MYO18B: variants seen among roughly 807,000 people sequenced by gnomAD.
MYO18B encodes the protein myosin XVIIIB.
A neutral mutation model predicts 273.0 loss-of-function variants in MYO18B; 204 were observed. The observed-to-expected ratio is 0.75, with a 90% CI of 0.67 to 0.84. The LOEUF (loss-of-function observed/expected upper bound fraction) is 0.84, where lower values mean the gene tolerates loss of function less well. Ranked by LOEUF, MYO18B falls within the 40% of genes least tolerant of loss-of-function variation. The pLI, the probability that MYO18B is intolerant of heterozygous loss-of-function variation, is 0.00. For synonymous variants in MYO18B, 1,330 were observed against 1,305.7 expected (o/e 1.02, Z -0.40); for missense variants, 3,212 against 3,287.6 (o/e 0.98, Z 0.56).
At chr22:26,012,583 C>G (rs1271236890) in intron 42 of MYO18B, among the ~76,000 whole-genome samples, 2 of 152,164 alleles carry the variant, frequency 1.3e-5, no homozygotes, top group Admixed American at 1.3e-4. Flanking sequence ...CAGGTGAAGT[C>G]TGAATGTAGA....
chr22:25,948,447 C>T (rs200073351), intron 36 of MYO18B, among the ~76,000 whole-genome samples: 18,222 of 115,050 alleles, frequency 0.16, 1,293 homozygotes, highest in East Asian at 0.22. Context: ...TCCTTCCTTC[C>T]TTCCTTCCTT....
At chr22:25,839,032 GTA>G (rs750152973) in intron 17 of MYO18B, among the ~76,000 whole-genome samples, 7 of 151,812 alleles carry the variant, frequency 4.6e-5, no homozygotes, top group Non-Finnish European at 1.0e-4. Context: ...GTGTGTGTAT[GTA>G]TGAGTGTATA....
chr22:25,854,130 G>C (rs1315954583), intron 21 of MYO18B, among the ~76,000 whole-genome samples: 1 of 152,136 alleles, frequency 6.6e-6, no homozygotes, highest in Admixed American at 6.5e-5. Context: ...GGTGTAAAAT[G>C]GGTCTTGGTG....
At chr22:25,786,279 A>G (rs776395647) in intron 11 of MYO18B, among the ~76,000 whole-genome samples, 2 of 152,204 alleles carry the variant, frequency 1.3e-5, no homozygotes, top group African/African-American at 4.8e-5. Context: ...CAGAGGTTGC[A>G]TGAAATGCTG....
intron 37 of MYO18B, among the ~76,000 whole-genome samples, chr22:25,950,929 C>T (rs2092785868): frequency 6.6e-6 from 1 of 152,184 alleles, no homozygotes; most frequent in Non-Finnish European, 1.5e-5. Context: ...AGGCCTTCTG[C>T]AAGCTAAGGA....
intron 12 of MYO18B, among the ~76,000 whole-genome samples, chr22:25,811,774 C>T (rs76604120): frequency 0.01 from 1,558 of 152,296 alleles, 10 homozygotes; most frequent in Non-Finnish European, 0.016. Context: ...CAGGTTGTTT[C>T]TTGCCATTTT....
At chr22:26,039,287 C>G in the MYO18B span, among the ~76,000 whole-genome samples, 1 of 152,198 alleles carries the variant, frequency 6.6e-6, no homozygotes, top group Non-Finnish European at 1.5e-5. Context: ...GTGGTCTCTA[C>G]CTGTCTTGCC....
chr22:25,782,572 C>T (rs894995029), intron 10 of MYO18B, among the ~76,000 whole-genome samples: 1 of 152,180 alleles, frequency 6.6e-6, no homozygotes, highest in African/African-American at 2.4e-5. Context: ...GCCTTGGTTT[C>T]CTCCTCTGTT....
rs1400943651 is a variant in MYO18B at position 25,877,973 on chromosome 22, G to A, written c.4239G>A (p.Thr1413=). The change falls in exon 25 of 44, where the codon ACG becomes ACA. Residue 1413 remains threonine (T), a synonymous_variant. Coordinates refer to ENST00000335473, the MANE Select transcript of MYO18B (RefSeq NM_032608.7). Reference sequence around the variant, plus strand: ...TGTTTTTGTAGGAGGAGCTTACAACGCTAAGACGGAAGCTAGAAAAATCAG... The same window carrying A: ...TGTTTTTGTAGGAGGAGCTTACAACACTAAGACGGAAGCTAGAAAAATCAG... ...QLRAKEEELT[T]LRRKLEKSEK... The A allele has an allele frequency of 7.0e-6, 11 of 1,576,080 alleles. No homozygotes were observed. The highest frequency in any genetic ancestry group is 9.5e-6 in the Non-Finnish European group (11 of 1,160,366).
intron 13 of MYO18B, 123 bp from the exon 14 acceptor site, chr22:25,826,286 T>C: frequency 1.5e-6 from 1 of 658,884 alleles, no homozygotes; most frequent in Non-Finnish European, 2.6e-6. Context: ...ATTTTAGCAG[T>C]GGAGGGATGT....
At chr22:25,876,147 G>A (rs2091189908) in intron 23 of MYO18B, 42 bp from the exon 24 acceptor site, 2 of 1,584,884 alleles carry the variant, frequency 1.3e-6, no homozygotes, top group African/African-American at 2.7e-5. Flanking sequence ...TCCTCACCTG[G>A]GTTGGAAAGG....
rs578043723 is a variant in MYO18B at position 25,841,332 on chromosome 22, A to G, written c.3209-2403A>G. Among the ~76,000 whole-genome samples, 32 of 152,348 alleles carry G rather than the reference A, an allele frequency of 2.1e-4. No individual in the cohort carries two copies. In the South Asian group the frequency reaches 6.4e-3, roughly 31 times the overall value. On this transcript the variant is annotated intron_variant, in intron 17 of 43. Coordinates refer to ENST00000335473, the MANE Select transcript of MYO18B (RefSeq NM_032608.7). ...GTATCCATGGGGCTCCTGAAAGCCA[A>G]AGACTTCATGGGAAATGCTTTCATG...
intron 42 of MYO18B, among the ~76,000 whole-genome samples, chr22:26,022,586 CCT>C (rs1251144486): frequency 6.6e-6 from 1 of 152,086 alleles, no homozygotes; most frequent in African/African-American, 2.4e-5. Flanking sequence ...TGCTTCTTGC[CCT>C]CTCTTCCTTG....
chr22:25,858,348 G>A (rs1206193885), intron 21 of MYO18B, among the ~76,000 whole-genome samples: 1 of 152,252 alleles, frequency 6.6e-6, no homozygotes, highest in Non-Finnish European at 1.5e-5. Context: ...TTGGACCATG[G>A]TGTGGGCTTC....
chr22:25,898,345 G>A lies in MYO18B; in HGVS notation c.4707G>A (p.Lys1569=). 1 of 1,613,944 alleles carries A rather than the reference G, an allele frequency of 6.2e-7. No individual in the cohort carries two copies. The highest frequency in any genetic ancestry group is 8.5e-7 in the Non-Finnish European group (1 of 1,179,858). Residue 1569 remains lysine (K), a synonymous_variant, in exon 29 of 44, where the codon AAG becomes AAA. Coordinates refer to ENST00000335473, the MANE Select transcript of MYO18B (RefSeq NM_032608.7). ...AAAGTGCTTATGACGGGGCCAAGAAGATGGCTCACCAACTGAAGAGGAAGT... is the reference window on the plus strand; with the variant it reads ...AAAGTGCTTATGACGGGGCCAAGAAAATGGCTCACCAACTGAAGAGGAAGT... ...ELQSAYDGAK[K]MAHQLKRKCH...
chr22:25,821,216 C>G (rs1269907359), intron 12 of MYO18B, among the ~76,000 whole-genome samples: 1 of 151,976 alleles, frequency 6.6e-6, no homozygotes, highest in Non-Finnish European at 1.5e-5. Flanking sequence ...TACAGTAGTT[C>G]TATCTATAGT....
At chr22:25,996,419 T>C (rs1933251898) in intron 40 of MYO18B, among the ~76,000 whole-genome samples, 1 of 152,150 alleles carries the variant, frequency 6.6e-6, no homozygotes, top group Admixed American at 6.5e-5. Flanking sequence ...GAAGAGAGGT[T>C]GAGTAACTTG....
intron 2 of MYO18B, 125 bp from the exon 3 acceptor site, chr22:25,763,106 A>C: frequency 8.8e-7 from 1 of 1,135,570 alleles, no homozygotes; most frequent in Non-Finnish European, 1.3e-6. Flanking sequence ...GTGGCTTCTC[A>C]TACATGGGCT....
At chr22:26,063,616 T>C in the MYO18B span, among the ~76,000 whole-genome samples, 1 of 152,150 alleles carries the variant, frequency 6.6e-6, no homozygotes, top group Non-Finnish European at 1.5e-5. Flanking sequence ...CTGATCAACA[T>C]GGAGCTGACT....
Sources: gnomAD v4.1 joint callset for allele counts (sites outside exome capture counted in the v4.1 genomes callset) on GRCh38, gnomAD v4.1.1 for gene constraint, MANE v1.5 for transcripts, NCBI Gene and HGNC (gene_info 2026-07-23, HGNC 2026-07-21) for gene names.